NDUFB4: variants seen among roughly 807,000 people sequenced by gnomAD.
The protein encoded by NDUFB4 is NADH:ubiquinone oxidoreductase subunit B4, also known as NADH dehydrogenase [ubiquinone] 1 beta subcomplex subunit 4.
NDUFB4 carries 10 observed loss-of-function variants against 14.5 expected under a neutral mutation model. The ratio of observed to expected loss-of-function variants is 0.69; its 90% CI spans 0.43 to 1.17. The LOEUF (loss-of-function observed/expected upper bound fraction) is 1.17, where lower values mean the gene tolerates loss of function less well. Among genes scored for constraint, NDUFB4 ranks in the 50% most tolerant of loss-of-function variants. NDUFB4 has a pLI of 0.00. For missense variants in NDUFB4, 165 were observed against 161.1 expected, an observed-to-expected ratio of 1.02 and a Z score of -0.13; for synonymous variants, 65 against 63.4, an observed-to-expected ratio of 1.03 and a Z score of -0.12.
Position 120,602,393 on chromosome 3 carries a change from C to T in NDUFB4, c.*123C>T. ...TTAAAAACTATTAACACCCTAACAA[C>T]ACAGAAGCAGACGCAGCCCGTGTTG... is the stretch of plus-strand genomic sequence containing the variant. On this transcript the variant is annotated 3_prime_UTR_variant, in exon 3 of 3. Coordinates refer to ENST00000184266, the MANE Select transcript of NDUFB4 (RefSeq NM_004547.6). The T allele has an allele frequency of 3.3e-6, 3 of 913,578 alleles. No homozygotes were observed. Among genetic ancestry groups the T allele is most frequent in the Non-Finnish European group, 4.9e-6 (3 of 609,540 alleles). The allele number at this position is 913,578 out of a possible 1,614,324, so 56.6% of individuals were successfully genotyped here. A position where few individuals can be genotyped will look rare whatever the true frequency, so the allele number is the denominator to read the frequency against.
At chr3:120,600,315 A>G (rs1042627303) in intron 1 of NDUFB4, among the ~76,000 whole-genome samples, 2 of 151,774 alleles carry the variant, frequency 1.3e-5, no homozygotes, top group Non-Finnish European at 2.9e-5. Context: ...TTATTTGCTT[A>G]TTTTTATCTG....
chr3:120,602,125 CTTT>C (rs1940074293), intron 2 of NDUFB4, 80 bp from the exon 3 acceptor site: 2 of 1,547,070 alleles, frequency 1.3e-6, no homozygotes, highest in Non-Finnish European at 1.7e-6. Flanking sequence ...TTTTTCTTAC[CTTT>C]TTTATTTATT....
intron 1 of NDUFB4, among the ~76,000 whole-genome samples, chr3:120,599,545 C>T (rs1026223812): frequency 1.3e-5 from 2 of 152,072 alleles, no homozygotes; most frequent in African/African-American, 4.8e-5. Context: ...CAAGTGAAGA[C>T]ATGATTTTCA....
chr3:120,600,969 C>T, intron 1 of NDUFB4, 142 bp from the exon 2 acceptor site: 4 of 647,626 alleles, frequency 6.2e-6, no homozygotes. Flanking sequence ...TTTCCTGAAG[C>T]TGTTTAGGAA....
At chr3:120,600,196 T>C (rs935694533) in intron 1 of NDUFB4, among the ~76,000 whole-genome samples, 1 of 150,126 alleles carries the variant, frequency 6.7e-6, no homozygotes, top group Non-Finnish European at 1.5e-5. Context: ...GTTTGAAATA[T>C]GACTGTGGAA....
chr3:120,601,907 A>T (rs1272715631), intron 2 of NDUFB4: 10 of 1,098,054 alleles, frequency 9.1e-6, no homozygotes, highest in African/African-American at 3.3e-5. Flanking sequence ...TTTTGCTTTC[A>T]ATATATGGTT....
intron 2 of NDUFB4, 79 bp downstream of exon 2, chr3:120,601,336 A>G (rs1474656378): frequency 6.3e-7 from 1 of 1,590,272 alleles, no homozygotes; most frequent in African/African-American, 1.4e-5. Flanking sequence ...CTTCTCTTGA[A>G]GATTGCCACC....
chr3:120,601,660 G>C (rs963286221), intron 2 of NDUFB4: 67 of 1,039,562 alleles, frequency 6.4e-5, no homozygotes, highest in Non-Finnish European at 7.4e-5. Flanking sequence ...GCCGTCAGCA[G>C]CCTGGGTATA....
chr3:120,598,982 T>C (rs1488281515), intron 1 of NDUFB4, among the ~76,000 whole-genome samples: 1 of 152,146 alleles, frequency 6.6e-6, no homozygotes, highest in East Asian at 1.9e-4. Context: ...GAGGCTTTTG[T>C]AGTAATCCAA....
chr3:120,601,392 CTTCTT>C, intron 2 of NDUFB4, 135 bp downstream of exon 2: 1 of 1,497,476 alleles, frequency 6.7e-7, no homozygotes, highest in Non-Finnish European at 8.8e-7. Context: ...CCCTTCCTCT[CTTCTT>C]TTATCTTTAT....
At chr3:120,597,131 A>T in intron 1 of NDUFB4, among the ~76,000 whole-genome samples, 1 of 150,266 alleles carries the variant, frequency 6.7e-6, no homozygotes, top group Non-Finnish European at 1.5e-5. Flanking sequence ...GCTCATAGGG[A>T]TACTGCTCTC....
intron 1 of NDUFB4, among the ~76,000 whole-genome samples, chr3:120,600,215 G>A (rs1390263800): frequency 6.8e-6 from 1 of 148,122 alleles, no homozygotes; most frequent in Non-Finnish European, 1.5e-5. Context: ...AAGACCTTGT[G>A]AAATTATTTT....
intron 2 of NDUFB4, 154 bp downstream of exon 2, chr3:120,601,411 T>C: frequency 6.8e-7 from 1 of 1,475,204 alleles, no homozygotes; most frequent in Non-Finnish European, 8.9e-7. Context: ...TCTTTATTCC[T>C]TTCCAGCAGG....
intron 1 of NDUFB4, among the ~76,000 whole-genome samples, chr3:120,598,371 A>G (rs1940002914): frequency 6.6e-6 from 1 of 152,122 alleles, no homozygotes; most frequent in Non-Finnish European, 1.5e-5. Flanking sequence ...CTAATCTTTA[A>G]GAATGATTGA....
At chr3:120,602,122 T>G (rs189327238) in intron 2 of NDUFB4, 86 bp from the exon 3 acceptor site, 329 of 1,547,468 alleles carry the variant, frequency 2.1e-4, no homozygotes, top group Admixed American at 1.1e-3. Flanking sequence ...CAGTTTTTCT[T>G]ACCTTTTTTA....
intron 2 of NDUFB4, 118 bp downstream of exon 2, chr3:120,601,375 C>T: frequency 6.6e-7 from 1 of 1,521,766 alleles, no homozygotes; most frequent in Non-Finnish European, 8.7e-7. Flanking sequence ...GGGCTGTCCT[C>T]TGCCTTCCCT....
rs764155363 is a variant in NDUFB4, at chr3:120,601,178, C to T, written c.248C>T (p.Thr83Ile). ...AATGTCTATCCTAATTTCAGACCCA[C>T]TCCTAAAAACTCACTCATGGGAGCT... ...TINVYPNFRP[T>I]PKNSLMGALC... Residue 83 changes from threonine to isoleucine, a missense_variant, in exon 2 of 3, where the codon ACT becomes ATT. Coordinates refer to ENST00000184266, the MANE Select transcript of NDUFB4 (RefSeq NM_004547.6). 31 of 1,613,986 alleles carry T rather than the reference C, an allele frequency of 1.9e-5. No homozygotes were observed. The highest frequency in any genetic ancestry group is 1.2e-4 in the Admixed American group (7 of 59,986).
intron 1 of NDUFB4, among the ~76,000 whole-genome samples, chr3:120,597,707 A>C (rs1939989281): frequency 6.6e-6 from 1 of 152,182 alleles, no homozygotes; most frequent in Admixed American, 6.5e-5. Flanking sequence ...CAAAATTCTA[A>C]CCCTGGTTTG....
At position 120,602,497 on chromosome 3, in the gene NDUFB4, C is replaced by T. The variant is rs969148157; in HGVS notation, c.*227C>T. ...CATAAACTTCATTAAACTGTGAGCT[C>T]TTAGAAAGTACAGATTCTACAATCA... On this transcript the variant is annotated 3_prime_UTR_variant, in exon 3 of 3. Coordinates refer to ENST00000184266, the MANE Select transcript of NDUFB4 (RefSeq NM_004547.6). 5 of 481,780 alleles carry T rather than the reference C, an allele frequency of 1.0e-5. No individual in the cohort carries two copies. The highest frequency in any genetic ancestry group is 9.8e-5 in the African/African-American group (5 of 50,826). 29.8% of individuals were successfully genotyped at this position (481,780 alleles called of 1,614,324 possible).
Sources: gnomAD v4.1 joint callset for allele counts (sites outside exome capture counted in the v4.1 genomes callset) on GRCh38, gnomAD v4.1.1 for gene constraint, MANE v1.5 for transcripts, NCBI Gene and HGNC (gene_info 2026-07-23, HGNC 2026-07-21) for gene names.